The following CCSER1 variants were observed in gnomAD, a reference collection of about 807,000 sequenced individuals.
CCSER1 encodes the protein serine-rich coiled-coil domain-containing protein 1.
In CCSER1, 41 loss-of-function variants were observed where a neutral mutation model predicts 82.0. The ratio of observed to expected loss-of-function variants is 0.50; its 90% CI spans 0.39 to 0.65. The LOEUF (loss-of-function observed/expected upper bound fraction) is 0.65, where lower values mean the gene tolerates loss of function less well. CCSER1 is among the 30% of genes least tolerant of loss of function. The pLI is 0.00. For missense variants in CCSER1, 1,119 were observed against 1,064.2 expected (o/e 1.05, Z -0.72); for synonymous variants, 414 against 383.9 (o/e 1.08, Z -0.92).
At position 91,297,421 on chromosome 4, in the gene CCSER1, G is replaced by A. The variant is rs189227816; in HGVS notation, c.2217+211427G>A. Reference sequence around the variant, plus strand: ...TGTGTGTGTGTGTGTGTGTGTGTGTGTGTTAGGGAGACAGATGTGGATAAG... The same window carrying A: ...TGTGTGTGTGTGTGTGTGTGTGTGTATGTTAGGGAGACAGATGTGGATAAG... On this transcript the variant is annotated intron_variant, in intron 10 of 10. Coordinates refer to ENST00000509176, the MANE Select transcript of CCSER1 (RefSeq NM_001145065.2). Among the ~76,000 whole-genome samples, 727 of 146,248 alleles carry A rather than the reference G, an allele frequency of 5.0e-3. 5 individuals are homozygous for A. Among genetic ancestry groups the A allele is most frequent in the Non-Finnish European group, 7.8e-3 (515 of 66,230 alleles).
chr4:90,868,722 G>A (rs1766061314), intron 8 of CCSER1, among the ~76,000 whole-genome samples: 1 of 152,038 alleles, frequency 6.6e-6, no homozygotes, highest in Non-Finnish European at 1.5e-5. Flanking sequence ...ATACCCAGCA[G>A]TGGGATTGCT....
intron 1 of CCSER1, among the ~76,000 whole-genome samples, chr4:90,227,368 G>C (rs748897102): frequency 6.6e-6 from 1 of 152,284 alleles, no homozygotes. Flanking sequence ...TGGGAAATCT[G>C]TGTTTTTTGC....
At chr4:90,799,406 C>T (rs1004047875) in intron 7 of CCSER1, among the ~76,000 whole-genome samples, 2 of 152,146 alleles carry the variant, frequency 1.3e-5, no homozygotes, top group African/African-American at 4.8e-5. Flanking sequence ...AGACACACAC[C>T]AGCCAAGTGA....
At chr4:90,937,867 C>A (rs1455076302) in intron 9 of CCSER1, among the ~76,000 whole-genome samples, 1 of 152,080 alleles carries the variant, frequency 6.6e-6, no homozygotes, top group Non-Finnish European at 1.5e-5. Context: ...ATTTAACCTA[C>A]CTTTACAGTT....
intron 5 of CCSER1, among the ~76,000 whole-genome samples, chr4:90,621,325 T>C (rs1217947346): frequency 6.6e-6 from 1 of 152,174 alleles, no homozygotes; most frequent in Non-Finnish European, 1.5e-5. Flanking sequence ...AGAACCAGCC[T>C]TTAAACAAAT....
At chr4:90,822,589 G>C (rs559168524) in intron 8 of CCSER1, among the ~76,000 whole-genome samples, 1 of 151,920 alleles carries the variant, frequency 6.6e-6, no homozygotes, top group Non-Finnish European at 1.5e-5. Context: ...TTAGCTGGGC[G>C]TGGTGGCGGG....
chr4:91,126,458 A>G (rs1187879187), intron 10 of CCSER1, among the ~76,000 whole-genome samples: 1 of 151,920 alleles, frequency 6.6e-6, no homozygotes, highest in Non-Finnish European at 1.5e-5. Context: ...AGAATTTCCA[A>G]ATATGTGTCA....
chr4:91,525,885 C>T (rs2110154427), intron 10 of CCSER1, among the ~76,000 whole-genome samples: 1 of 152,242 alleles, frequency 6.6e-6, no homozygotes, highest in East Asian at 1.9e-4. Flanking sequence ...AAAATTTAAC[C>T]CAAGAGACTG....
At chr4:90,567,759 A>T (rs969466822) in intron 5 of CCSER1, among the ~76,000 whole-genome samples, 3 of 151,496 alleles carry the variant, frequency 2.0e-5, no homozygotes, top group Non-Finnish European at 4.4e-5. Context: ...GGCACACACC[A>T]CCATGTGTAG....
At chr4:90,142,068 A>G (rs984277789) in intron 1 of CCSER1, among the ~76,000 whole-genome samples, 5 of 152,128 alleles carry the variant, frequency 3.3e-5, no homozygotes, top group Admixed American at 2.0e-4. Flanking sequence ...CTAAATAGGT[A>G]TTTTTAATGC....
At chr4:90,174,770 G>A (rs559454551) in intron 1 of CCSER1, among the ~76,000 whole-genome samples, 1 of 152,028 alleles carries the variant, frequency 6.6e-6, no homozygotes, top group East Asian at 1.9e-4. Flanking sequence ...GAGGTGACAA[G>A]TGACTCACAC....
At chr4:90,686,730 CA>C (rs1394704357) in intron 6 of CCSER1, among the ~76,000 whole-genome samples, 1 of 152,058 alleles carries the variant, frequency 6.6e-6, no homozygotes, top group Non-Finnish European at 1.5e-5. Context: ...AGCATTTAGC[CA>C]AGTGCTTCAG....
chr4:91,061,118 T>C (rs1743912632), intron 9 of CCSER1, among the ~76,000 whole-genome samples: 2 of 152,082 alleles, frequency 1.3e-5, no homozygotes, highest in South Asian at 4.1e-4. Context: ...GACTTTAAAA[T>C]GTATTGCACT....
chr4:91,274,938 T>C (rs1309741221), intron 10 of CCSER1, among the ~76,000 whole-genome samples: 2 of 151,900 alleles, frequency 1.3e-5, no homozygotes, highest in Non-Finnish European at 2.9e-5. Context: ...ACCCCGTCCC[T>C]ACTAAAAATA....
Position 91,605,265 on chromosome 4 carries a change from T to A in CCSER1, c.*6208T>A, listed in dbSNP as rs1005560249. 2 of 152,102 alleles carry A rather than the reference T, an allele frequency of 1.3e-5. No individual in the cohort carries two copies. The highest frequency in any genetic ancestry group is 4.8e-5 in the African/African-American group (2 of 41,454). The allele number at this position is 152,102 out of a possible 1,614,324, so 9.4% of individuals were successfully genotyped here. ...TGGTGATTAGAAAAATATGCATATT[T>A]CCTGCTCATAATAAATTTTAAAACA... On this transcript the variant is annotated 3_prime_UTR_variant, in exon 11 of 11. Coordinates refer to ENST00000509176, the MANE Select transcript of CCSER1 (RefSeq NM_001145065.2).
chr4:90,585,108 C>G (rs573055758), intron 5 of CCSER1, among the ~76,000 whole-genome samples: 1 of 152,038 alleles, frequency 6.6e-6, no homozygotes, highest in African/African-American at 2.4e-5. Context: ...TCTGATTGAC[C>G]AATAAACACA....
rs145696374 is a variant in CCSER1 at position 90,616,393 on chromosome 4, G to A, written c.1725-11632G>A. Among the ~76,000 whole-genome samples the A allele has an allele frequency of 4.7e-3, 711 of 152,092 alleles. 6 individuals carry two copies. The highest frequency in any genetic ancestry group is 0.016 in the African/African-American group (668 of 41,500). On this transcript the variant is annotated intron_variant, in intron 5 of 10. Coordinates refer to ENST00000509176, the MANE Select transcript of CCSER1 (RefSeq NM_001145065.2). ...ACTGTCGAAGAATAAGAGAAAAAAT[G>A]TTTTAGACTGGGTGTAGTGGCTCAC...
chr4:91,064,427 C>T (rs1034806687), intron 9 of CCSER1, among the ~76,000 whole-genome samples: 1 of 152,222 alleles, frequency 6.6e-6, no homozygotes, highest in African/African-American at 2.4e-5. Flanking sequence ...AATTCATGCA[C>T]AGCATTCAGA....
intron 7 of CCSER1, among the ~76,000 whole-genome samples, chr4:90,805,529 C>G (rs1048191507): frequency 1.1e-4 from 17 of 152,168 alleles, no homozygotes; most frequent in African/African-American, 3.1e-4. Flanking sequence ...TCATCATATT[C>G]TATTAATCAT....
Sources: gnomAD v4.1 joint callset for allele counts (sites outside exome capture counted in the v4.1 genomes callset) on GRCh38, gnomAD v4.1.1 for gene constraint, MANE v1.5 for transcripts, NCBI Gene and HGNC (gene_info 2026-07-23, HGNC 2026-07-21) for gene names.